Variants in CTNND2 observed in about 807,000 individuals in gnomAD.
CTNND2 encodes catenin delta-2.
Under a neutral mutation model 144.4 loss-of-function variants are expected in CTNND2, and 22 were observed. The observed-to-expected ratio is 0.15, with a 90% CI of 0.11 to 0.22. The LOEUF is 0.22. CTNND2 is among the 10% of genes least tolerant of loss of function. The pLI is 1.00. For synonymous variants in CTNND2, 751 were observed against 695.6 expected (o/e 1.08, Z -1.25); for missense variants, 1,353 against 1,618.8 (o/e 0.84, Z 2.82).
At chr5:11,891,752 G>A (rs534628380) in intron 1 of CTNND2, among the ~76,000 whole-genome samples, 5 of 152,172 alleles carry the variant, frequency 3.3e-5, no homozygotes, top group Admixed American at 2.0e-4. Context: ...AGAAATAAAC[G>A]TTGTTTAAGC....
chr5:11,759,103 C>T (rs1789109750), intron 1 of CTNND2, among the ~76,000 whole-genome samples: 1 of 151,960 alleles, frequency 6.6e-6, no homozygotes, highest in Non-Finnish European at 1.5e-5. Context: ...GAAGCACTTG[C>T]TTCTTTACAT....
intron 1 of CTNND2, among the ~76,000 whole-genome samples, chr5:11,827,213 G>T (rs1002977842): frequency 6.6e-6 from 1 of 152,114 alleles, no homozygotes; most frequent in Non-Finnish European, 1.5e-5. Flanking sequence ...TAAAACTCAG[G>T]TGTAAATAAT....
At chr5:11,662,199 A>G (rs189317840) in intron 2 of CTNND2, among the ~76,000 whole-genome samples, 4 of 138,532 alleles carry the variant, frequency 2.9e-5, no homozygotes, top group Non-Finnish European at 6.0e-5. Context: ...ATATATGTGT[A>G]TATATGTATA....
chr5:11,183,280 T>C (rs1275373832), intron 11 of CTNND2, among the ~76,000 whole-genome samples: 2 of 152,222 alleles, frequency 1.3e-5, no homozygotes, highest in South Asian at 2.1e-4. Flanking sequence ...GTATGTTAAA[T>C]ACAAATTTCT....
chr5:11,160,851 T>C (rs1404273452), intron 11 of CTNND2, among the ~76,000 whole-genome samples: 1 of 152,258 alleles, frequency 6.6e-6, no homozygotes, highest in Non-Finnish European at 1.5e-5. Context: ...TTTGTTTTAT[T>C]GGTTCCTTGC....
chr5:11,069,535 T>A (rs1369982099), intron 16 of CTNND2, among the ~76,000 whole-genome samples: 1 of 152,032 alleles, frequency 6.6e-6, no homozygotes, highest in East Asian at 1.9e-4. Context: ...TGGTACATAT[T>A]GAGGATGGAT....
At chr5:11,418,081 C>T (rs976856218) in intron 3 of CTNND2, among the ~76,000 whole-genome samples, 9 of 151,916 alleles carry the variant, frequency 5.9e-5, no homozygotes, top group Admixed American at 6.6e-5. Context: ...TCTAGTTTGA[C>T]GCACTAACGA....
intron 7 of CTNND2, among the ~76,000 whole-genome samples, chr5:11,380,688 CAG>C (rs1373506060): frequency 6.6e-6 from 1 of 152,106 alleles, no homozygotes; most frequent in Non-Finnish European, 1.5e-5. Flanking sequence ...AGTGTTTTCC[CAG>C]AGAGTCAGAA....
intron 1 of CTNND2, among the ~76,000 whole-genome samples, chr5:11,901,543 C>A (rs896893935): frequency 6.6e-6 from 1 of 152,140 alleles, no homozygotes; most frequent in African/African-American, 2.4e-5. Flanking sequence ...TGTAATTTGA[C>A]AGTGTATGAC....
intron 3 of CTNND2, among the ~76,000 whole-genome samples, chr5:11,426,932 T>A (rs1762832939): frequency 6.6e-6 from 1 of 152,136 alleles, no homozygotes; most frequent in Non-Finnish European, 1.5e-5. Flanking sequence ...TATCAAGAAA[T>A]CAAAGAAACA....
intron 1 of CTNND2, among the ~76,000 whole-genome samples, chr5:11,736,467 T>A (rs1353629886): frequency 6.6e-6 from 1 of 152,194 alleles, no homozygotes; most frequent in African/African-American, 2.4e-5. Flanking sequence ...GATTCATAAT[T>A]TTTTTAATCC....
At chr5:11,115,583 T>G (rs17183978) in intron 13 of CTNND2, among the ~76,000 whole-genome samples, 34,930 of 152,192 alleles carry the variant, frequency 0.23, 4,853 homozygotes, top group Admixed American at 0.36. Context: ...TGTTTAGGAA[T>G]TTAATTTTCC....
chr5:11,005,263 G>A (rs968892437), intron 18 of CTNND2, among the ~76,000 whole-genome samples: 9 of 152,378 alleles, frequency 5.9e-5, no homozygotes, highest in Admixed American at 2.0e-4. Flanking sequence ...CAAGAACAGC[G>A]TGGCTGAGGC....
At chr5:11,020,203 T>C (rs1742092014) in intron 17 of CTNND2, among the ~76,000 whole-genome samples, 1 of 152,146 alleles carries the variant, frequency 6.6e-6, no homozygotes, top group Non-Finnish European at 1.5e-5. Context: ...CCAATCTGAC[T>C]CATTAACATC....
chr5:11,527,559 CT>C (rs1237092717), intron 3 of CTNND2, among the ~76,000 whole-genome samples: 5 of 152,174 alleles, frequency 3.3e-5, no homozygotes, highest in Non-Finnish European at 7.4e-5. Context: ...TATCTCCAAG[CT>C]CTAAAGCTCC....
intron 2 of CTNND2, among the ~76,000 whole-genome samples, chr5:11,730,696 A>G (rs191094162): frequency 5.9e-5 from 9 of 152,338 alleles, no homozygotes; most frequent in Non-Finnish European, 1.3e-4. Context: ...AATTTGGGAG[A>G]CAGTAGTATT....
chr5:11,104,891 G>A (rs1185918840), intron 14 of CTNND2, among the ~76,000 whole-genome samples: 2 of 152,192 alleles, frequency 1.3e-5, no homozygotes, highest in Non-Finnish European at 2.9e-5. Flanking sequence ...TGAACAAAGC[G>A]TTAGGGCAAA....
chr5:11,820,153 T>C (rs963710694), intron 1 of CTNND2, among the ~76,000 whole-genome samples: 1 of 152,188 alleles, frequency 6.6e-6, no homozygotes, highest in Non-Finnish European at 1.5e-5. Flanking sequence ...CGAAACCCCA[T>C]AGCATAACCT....
At chr5:11,105,722 G>A (rs1752355309) in intron 14 of CTNND2, among the ~76,000 whole-genome samples, 2 of 152,200 alleles carry the variant, frequency 1.3e-5, no homozygotes, top group Non-Finnish European at 2.9e-5. Flanking sequence ...GAAGAATATG[G>A]TTCATCCATG....
Sources: allele counts gnomAD v4.1 joint callset (sites outside exome capture counted in the v4.1 genomes callset), GRCh38; gene constraint gnomAD v4.1.1; transcripts MANE v1.5; gene names NCBI Gene and HGNC (gene_info 2026-07-23, HGNC 2026-07-21).